TEAD1: variants seen among roughly 807,000 people sequenced by gnomAD.
TEAD1 encodes the protein TEA domain transcription factor 1.
Under a neutral mutation model 54.9 loss-of-function variants are expected in TEAD1, and 9 were observed. The observed-to-expected ratio is 0.16, with a 90% CI of 0.10 to 0.29. The LOEUF is 0.29. TEAD1 is among the 10% of genes least tolerant of loss of function. The probability of loss-of-function intolerance (pLI) is 1.00; values close to 1 mark genes in which losing one functional copy is unlikely to be tolerated. For synonymous variants in TEAD1, 200 were observed against 187.8 expected (o/e 1.07, Z -0.53); for missense variants, 387 against 535.9 (o/e 0.72, Z 2.74).
intron 2 of TEAD1, among the ~76,000 whole-genome samples, chr11:12,708,131 C>T (rs1271995544): frequency 6.6e-6 from 1 of 151,570 alleles, no homozygotes; most frequent in East Asian, 1.9e-4. Flanking sequence ...GCTGCTCACT[C>T]ACAGGTGTCT....
chr11:12,870,621 C>A (rs942471587), intron 5 of TEAD1, among the ~76,000 whole-genome samples: 1 of 152,310 alleles, frequency 6.6e-6, no homozygotes, highest in South Asian at 2.1e-4. Context: ...CACGGTGGCT[C>A]ACGCCTGTAA....
At chr11:12,776,849 G>C (rs143475885) in intron 3 of TEAD1, among the ~76,000 whole-genome samples, 2,921 of 149,694 alleles carry the variant, frequency 0.02, 103 homozygotes, top group African/African-American at 0.068. Context: ...GCCCAGGCTG[G>C]AGTGCAATGG....
intron 9 of TEAD1, among the ~76,000 whole-genome samples, chr11:12,887,237 C>T (rs1319135861): frequency 1.3e-5 from 2 of 152,014 alleles, no homozygotes; most frequent in Non-Finnish European, 2.9e-5. Flanking sequence ...GCTGGGACTA[C>T]AGGCATCCAC....
chr11:12,800,804 C>G (rs990064066), intron 3 of TEAD1, among the ~76,000 whole-genome samples: 1 of 152,218 alleles, frequency 6.6e-6, no homozygotes, highest in African/African-American at 2.4e-5. Context: ...AGCACCATGT[C>G]TTTTTCCTAG....
At chr11:12,876,556 A>G (rs1053675123) in intron 5 of TEAD1, among the ~76,000 whole-genome samples, 2 of 152,064 alleles carry the variant, frequency 1.3e-5, no homozygotes, top group African/African-American at 4.8e-5. Context: ...TTTTGTAGCT[A>G]TTGCTCAGAT....
In TEAD1 at chr11:12,719,926, C is replaced by T. The variant is rs1025515672; in HGVS notation, c.-54-44253C>T. Among the ~76,000 whole-genome samples the T allele has an allele frequency of 3.9e-5, 5 of 126,678 alleles. No individual in the cohort carries two copies. The South Asian group carries it at 8.6e-4, about 22-fold the overall frequency. 83.1% of individuals were successfully genotyped at this position (126,678 alleles called of 152,430 possible). On this transcript the variant is annotated intron_variant, in intron 2 of 12. Transcript: ENST00000527636. ...GTAATGAAAATTCAACTTTGCAAAC[C>T]GGCGTGTGTTTGGAAATCTAATGTT...
intron 2 of TEAD1, among the ~76,000 whole-genome samples, chr11:12,684,674 TTTAGA>T (rs1438153943): frequency 4.4e-4 from 67 of 152,132 alleles, no homozygotes; most frequent in African/African-American, 1.4e-3. Context: ...TGGAGTAAAG[TTTAGA>T]TTAGGTAAGT....
chr11:12,781,482 A>G (rs1359826651), intron 3 of TEAD1, among the ~76,000 whole-genome samples: 1 of 152,308 alleles, frequency 6.6e-6, no homozygotes, highest in East Asian at 1.9e-4. Flanking sequence ...TAAAAAGATA[A>G]CTATCCAGTT....
intron 3 of TEAD1, among the ~76,000 whole-genome samples, chr11:12,825,967 C>T (rs1478703108): frequency 6.6e-6 from 1 of 152,136 alleles, no homozygotes; most frequent in Admixed American, 6.5e-5. Context: ...TGGATATCCA[C>T]ATGCAAAAAA....
At chr11:12,779,427 CCTGGCTTTGCCA>C (rs1945499606) in intron 3 of TEAD1, among the ~76,000 whole-genome samples, 1 of 152,164 alleles carries the variant, frequency 6.6e-6, no homozygotes, top group African/African-American at 2.4e-5. Context: ...GGGTTTAAAT[CCTGGCTTTGCCA>C]CTTCACTGGC....
intron 2 of TEAD1, among the ~76,000 whole-genome samples, chr11:12,722,360 T>G (rs935382776): frequency 6.6e-6 from 1 of 152,158 alleles, no homozygotes; most frequent in Non-Finnish European, 1.5e-5. Flanking sequence ...GTGCACACCA[T>G]GCACTGAGCC....
At chr11:12,833,494 T>C (rs766182757) in intron 3 of TEAD1, among the ~76,000 whole-genome samples, 2 of 152,174 alleles carry the variant, frequency 1.3e-5, no homozygotes, top group Non-Finnish European at 2.9e-5. Context: ...AGCTTTGTTT[T>C]TCTTTTGACA....
In TEAD1 at chr11:12,937,245, A is replaced by T. The variant is rs753427003; in HGVS notation, c.*23A>T. The T allele has an allele frequency of 2.3e-5, 34 of 1,478,358 alleles. No individual in the cohort carries two copies. The South Asian group carries it at 3.9e-4, about 17-fold the overall frequency. 91.6% of individuals were successfully genotyped at this position (1,478,358 alleles called of 1,614,324 possible). A position where few individuals can be genotyped will look rare whatever the true frequency, so the allele number is the denominator to read the frequency against. ...TGAACATGGTTATTTATATATATAG[A>T]TATCTGTATATACACACACACATAT... On this transcript the variant is annotated 3_prime_UTR_variant, in exon 13 of 13. Coordinates refer to ENST00000527636, the MANE Select transcript of TEAD1 (RefSeq NM_021961.6).
chr11:12,768,818 G>A (rs141086658), intron 3 of TEAD1, among the ~76,000 whole-genome samples: 71 of 152,320 alleles, frequency 4.7e-4, no homozygotes, highest in African/African-American at 1.5e-3. Flanking sequence ...CTGAGGTCAG[G>A]ACTGTGTGCC....
At chr11:12,770,771 G>C (rs558935318) in intron 3 of TEAD1, among the ~76,000 whole-genome samples, 110 of 152,322 alleles carry the variant, frequency 7.2e-4, no homozygotes, top group Non-Finnish European at 1.1e-3. Context: ...CTGTACTAGA[G>C]ATATACCTGG....
chr11:12,795,239 G>A (rs916624074), intron 3 of TEAD1, among the ~76,000 whole-genome samples: 1 of 152,080 alleles, frequency 6.6e-6, no homozygotes, highest in East Asian at 1.9e-4. Context: ...TTGTCTCATG[G>A]TATTCTCTCC....
chr11:12,756,681 G>T (rs1424009847), intron 2 of TEAD1, among the ~76,000 whole-genome samples: 1 of 152,178 alleles, frequency 6.6e-6, no homozygotes, highest in Non-Finnish European at 1.5e-5. Context: ...TCTAGTGAGG[G>T]TATAGTGTAT....
chr11:12,816,096 G>C (rs1196089337), intron 3 of TEAD1, among the ~76,000 whole-genome samples: 2 of 152,156 alleles, frequency 1.3e-5, no homozygotes. Flanking sequence ...TCTTCTGTTG[G>C]GCAGTCACGG....
chr11:12,684,604 C>A (rs1943295285), intron 2 of TEAD1, among the ~76,000 whole-genome samples: 1 of 152,192 alleles, frequency 6.6e-6, no homozygotes, highest in African/African-American at 2.4e-5. Flanking sequence ...TGCTTAGCTT[C>A]TCTGTGCCCG....
Sources: gnomAD v4.1 joint callset for allele counts (sites outside exome capture counted in the v4.1 genomes callset) on GRCh38, gnomAD v4.1.1 for gene constraint, MANE v1.5 for transcripts, NCBI Gene and HGNC (gene_info 2026-07-23, HGNC 2026-07-21) for gene names.